DET1: variants seen among roughly 807,000 people sequenced by gnomAD.
DET1 encodes DET1 homolog.
A neutral mutation model predicts 43.7 loss-of-function variants in DET1; 22 were observed. The observed-to-expected ratio is 0.50, with a 90% confidence interval of 0.36 to 0.72. DET1 has a LOEUF of 0.72. Ranked by LOEUF, DET1 falls within the 30% of genes least tolerant of loss-of-function variation. The pLI, the probability that DET1 is intolerant of heterozygous loss-of-function variation, is 0.00. For synonymous variants in DET1, 315 were observed against 266.2 expected (o/e 1.18, Z -1.79); for missense variants, 713 against 713.3 (o/e 1.00, Z 0.00).
downstream of DET1, among the ~76,000 whole-genome samples, chr15:88,509,795 TG>T (rs911683881): frequency 1.3e-5 from 2 of 152,244 alleles, no homozygotes; most frequent in African/African-American, 4.8e-5. Context: ...AGTGGCCATA[TG>T]GTGAGGACCT....
At chr15:88,527,514 TA>T in intron 3 of DET1, 84 bp downstream of exon 3, 1 of 1,287,522 alleles carries the variant, frequency 7.8e-7, no homozygotes, top group Non-Finnish European at 1.1e-6. Context: ...ACAGACAGAA[TA>T]AGAGGTTTCC....
intron 2 of DET1, among the ~76,000 whole-genome samples, chr15:88,528,582 C>G (rs776553644): frequency 6.6e-6 from 1 of 152,180 alleles, no homozygotes; most frequent in South Asian, 2.1e-4. Flanking sequence ...TAAATGGGCC[C>G]CTTGGTGGCT....
Position 88,515,538 on chromosome 15 carries a change from T to TAAAAAAAAAAAAA in DET1, c.1463+1243_1463+1244insTTTTTTTTTTTTT, listed in dbSNP as rs1491544233. Among the ~76,000 whole-genome samples the TAAAAAAAAAAAAA allele has an allele frequency of 9.9e-4, 47 of 47,478 alleles. 21 individuals are homozygous for TAAAAAAAAAAAAA. The highest frequency in any genetic ancestry group is 1.7e-3 in the East Asian group (2 of 1,180). The allele number at this position is 47,478 out of a possible 152,430, so 31.1% of individuals were successfully genotyped here. A position where few individuals can be genotyped will look rare whatever the true frequency, so the allele number is the denominator to read the frequency against. ...TGGGCAACAGACAGAGACTCCGTCT[T>TAAAAAAAAAAAAA]ATAAAAAAAAAAAAAAAAAAAAAAA... On this transcript the variant is annotated intron_variant, in intron 4 of 4. Transcript: ENST00000268148.
rs146349561 is a variant in DET1, at chr15:88,527,544, G to A, written c.1271+55C>T. 1.4e-5 allele frequency: 21 copies of A among 1,493,412 alleles called. 1 individual carries two copies. Among genetic ancestry groups the A allele is most frequent in the Middle Eastern group, 3.9e-4 (2 of 5,158 alleles). 92.5% of individuals were successfully genotyped at this position (1,493,412 alleles called of 1,614,324 possible). On this transcript the variant is annotated intron_variant, in intron 3 of 4. Transcript: ENST00000268148. ...GGTTTCCTAGAGACAACAGCTATTG[G>A]CCTAACACCAATTTTTCTAAAGAAA...
chr15:88,541,826 TTCGGC>T (rs1194281988), intron 1 of DET1, among the ~76,000 whole-genome samples: 1 of 152,188 alleles, frequency 6.6e-6, no homozygotes, highest in Non-Finnish European at 1.5e-5. Context: ...CCTCAGCCAG[TTCGGC>T]TCCCCCTGTT....
Position 88,516,757 on chromosome 15 carries a change from T to C in DET1, c.1463+25A>G. 2.6e-6 allele frequency: 4 copies of C among 1,512,550 alleles called. No homozygotes were observed. The highest frequency in any genetic ancestry group is 3.5e-6 in the Non-Finnish European group (4 of 1,134,610). The allele number at this position is 1,512,550 out of a possible 1,614,324, so 93.7% of individuals were successfully genotyped here. ...GGCCATCTTCAGCCCTTGAGCAGTT[T>C]GTAGCTATAGCAGTGACACTGTACC... On this transcript the variant is annotated intron_variant, in intron 4 of 4. Coordinates refer to ENST00000268148, the MANE Select transcript of DET1 (RefSeq NM_001144074.3). This position sits in a 1 kb window ranked among gnomAD's most constrained non-coding sequence, Gnocchi z 4.4.
chr15:88,532,354 ATATT>A (rs1472935324), intron 1 of DET1, among the ~76,000 whole-genome samples: 4 of 152,298 alleles, frequency 2.6e-5, no homozygotes, highest in Admixed American at 2.6e-4. Flanking sequence ...CCAGCAAAAA[ATATT>A]TATTGGGCTG....
intron 1 of DET1, among the ~76,000 whole-genome samples, chr15:88,541,163 T>C (rs1222015705): frequency 8.2e-6 from 1 of 122,540 alleles, no homozygotes; most frequent in Non-Finnish European, 1.7e-5. Flanking sequence ...CGGGCAGCAA[T>C]ACTGCTTTGT....
rs2056480854 is a variant in DET1 at position 88,521,177 on chromosome 15, C to G, written c.1272-4204G>C. On this transcript the variant is annotated intron_variant, in intron 3 of 4. Coordinates refer to ENST00000268148, the MANE Select transcript of DET1 (RefSeq NM_001144074.3). ...AGCCACCCTGGCCTTCTTGTTGTCC[C>G]TCAAATGCATCAGATCTACCTCAGG... Among the ~76,000 whole-genome samples the G allele has an allele frequency of 2.0e-5, 3 of 152,198 alleles. No homozygotes were observed. The South Asian group carries it at 6.2e-4, about 32-fold the overall frequency.
At chr15:88,506,430 ATT>A (rs35399927) in intron 7 of DET1, among the ~76,000 whole-genome samples, 1 of 148,676 alleles carries the variant, frequency 6.7e-6, no homozygotes, top group African/African-American at 2.5e-5. Flanking sequence ...AGACTTCAGA[ATT>A]TTTTTTTTTT....
chr15:88,534,273 C>T (rs1224656748), intron 1 of DET1, among the ~76,000 whole-genome samples: 2 of 152,048 alleles, frequency 1.3e-5, no homozygotes, highest in Admixed American at 1.3e-4. Flanking sequence ...AAAGCTGTTG[C>T]CAGATAAGAT....
chr15:88,545,436 A>T lies in DET1; in HGVS notation c.-11+1104T>A, dbSNP rs2057225795. On this transcript the variant is annotated intron_variant, in intron 1 of 4. Transcript: ENST00000268148. ...TCTTAGTCATAAAAGATACCCTCCA[A>T]AAAGTTCGAGAATATCTAGATAGGC... 3.3e-5 allele frequency among the ~76,000 whole-genome samples: 5 copies of T among 152,278 alleles called. No individual in the cohort carries two copies. In the South Asian group the frequency reaches 8.3e-4, roughly 25 times the overall value.
intron 7 of DET1, among the ~76,000 whole-genome samples, chr15:88,506,534 T>A (rs1012935958): frequency 6.7e-6 from 1 of 150,372 alleles, no homozygotes; most frequent in African/African-American, 2.5e-5. Context: ...TCACTTAATA[T>A]GCTCAATTGC....
intron 2 of DET1, 134 bp from the exon 3 acceptor site, chr15:88,527,920 CA>C (rs1555428930): frequency 1.8e-6 from 1 of 562,802 alleles, no homozygotes; most frequent in Non-Finnish European, 2.8e-6. Flanking sequence ...ACAACAACAA[CA>C]AGCAAACACC....
downstream of DET1, among the ~76,000 whole-genome samples, chr15:88,510,542 C>T (rs1020614433): frequency 6.6e-6 from 1 of 152,168 alleles, no homozygotes; most frequent in Non-Finnish European, 1.5e-5. Flanking sequence ...TACAAGAACA[C>T]AATTATACCC....
chr15:88,538,207 A>C (rs192031858), intron 1 of DET1, among the ~76,000 whole-genome samples: 30 of 151,904 alleles, frequency 2.0e-4, no homozygotes, highest in African/African-American at 6.5e-4. Context: ...GACAGACTCC[A>C]TCTTGGCTCT....
rs2056799005 is a variant in DET1 at position 88,531,068 on chromosome 15, T to C, written c.638A>G (p.Lys213Arg). 5.0e-6 allele frequency: 8 copies of C among 1,613,856 alleles called. No homozygotes were observed. Among genetic ancestry groups the C allele is most frequent in the Middle Eastern group, 1.6e-4 (1 of 6,084 alleles). ...CCCTTGGTTGTGTGACAAGACCACC[T>C]TGTCACACTTGAACGTGCGTGTATC... ...LCDTRTFKCD[K>R]VVLSHNQGLY... Residue 213 changes from lysine to arginine, a missense_variant, in exon 2 of 5, where the codon AAG becomes AGG. Lys to Arg is a conservative substitution (Grantham distance 26). Coordinates refer to ENST00000268148, the MANE Select transcript of DET1 (RefSeq NM_001144074.3). The surrounding 1 kb of genome is among the most constrained non-coding windows in gnomAD (Gnocchi z 6.2).
chr15:88,544,933 T>C (rs186119068), intron 1 of DET1, among the ~76,000 whole-genome samples: 2 of 152,294 alleles, frequency 1.3e-5, no homozygotes, highest in Non-Finnish European at 2.9e-5. Context: ...GTCGACCTTG[T>C]AGCAGGATTT....
intron 1 of DET1, among the ~76,000 whole-genome samples, chr15:88,542,351 T>A (rs940731182): frequency 4.6e-5 from 7 of 152,122 alleles, no homozygotes; most frequent in African/African-American, 1.7e-4. Flanking sequence ...TGGTATCTCC[T>A]CACGGATATT....
Sources: gnomAD v4.1 joint callset for allele counts (sites outside exome capture counted in the v4.1 genomes callset) on GRCh38, gnomAD v4.1.1 for gene constraint, Gnocchi (gnomAD v3.1) non-coding constraint, MANE v1.5 for transcripts, NCBI Gene and HGNC (gene_info 2026-07-23, HGNC 2026-07-21) for gene names.